Variants in RERG observed in about 807,000 individuals in gnomAD.
RERG encodes the protein RAS like estrogen regulated growth inhibitor.
In RERG, 25 loss-of-function variants were observed where a neutral mutation model predicts 23.2. The observed-to-expected ratio is 1.08, with a 90% CI of 0.79 to 1.50. The LOEUF is 1.50. Ranked by LOEUF, RERG falls within the 40% of genes most tolerant of loss-of-function variation. The pLI is 0.00. For synonymous variants in RERG, 81 were observed against 89.1 expected, an observed-to-expected ratio of 0.91 and a Z score of 0.51; for missense variants, 253 against 250.1, an observed-to-expected ratio of 1.01 and a Z score of -0.08.
At chr12:15,128,811 T>G (rs1222859015) in intron 2 of RERG, among the ~76,000 whole-genome samples, 2 of 152,204 alleles carry the variant, frequency 1.3e-5, no homozygotes, top group South Asian at 2.1e-4. Flanking sequence ...ATTCAGCTCC[T>G]TCTTCTTCCC....
rs117081088 is a variant in RERG, at chr12:15,128,773, C to T, written c.62-7654G>A. On this transcript the variant is annotated intron_variant, in intron 2 of 4. Transcript: ENST00000256953. ...TTGTCTTCCAGCTTAGGGACAACAACGCAGTGGGTCTCCCTAAATAAGAGG... is the reference window on the plus strand; with the variant it reads ...TTGTCTTCCAGCTTAGGGACAACAATGCAGTGGGTCTCCCTAAATAAGAGG... Among the ~76,000 whole-genome samples the T allele has an allele frequency of 3.4e-3, 513 of 152,278 alleles. 1 individual carries two copies. The highest frequency in any genetic ancestry group is 5.5e-3 in the Non-Finnish European group (374 of 68,020).
At position 15,111,410 on chromosome 12, in the gene RERG, G is replaced by C. The variant is rs756150671; in HGVS notation, c.126C>G (p.Thr42=). ...IWEYDPTLES[T]YRHQATIDDE... The stretch of plus-strand genomic sequence containing the variant: ...CATCGATGGTTGCTTGGTGTCGGTA[G>C]GTTGATTCTAAGGGAATGAGCAAAT... Residue 42 remains threonine (T), a synonymous_variant, in exon 4 of 5, where the codon ACC becomes ACG. Transcript: ENST00000256953. 6.2e-7 allele frequency: 1 copy of C among 1,612,444 alleles called. No homozygotes were observed.
chr12:15,182,127 T>G (rs1864932823), intron 2 of RERG, among the ~76,000 whole-genome samples: 1 of 151,634 alleles, frequency 6.6e-6, no homozygotes. Context: ...GGCGCGATCT[T>G]GGCTCACTGC....
At chr12:15,136,577 A>T (rs1240191740) in intron 2 of RERG, among the ~76,000 whole-genome samples, 1 of 152,016 alleles carries the variant, frequency 6.6e-6, no homozygotes, top group Non-Finnish European at 1.5e-5. Flanking sequence ...GCTGTATGAC[A>T]CAAATTTTGA....
At chr12:15,141,599 G>A (rs1460808548) in intron 2 of RERG, among the ~76,000 whole-genome samples, 3 of 152,098 alleles carry the variant, frequency 2.0e-5, no homozygotes, top group African/African-American at 4.8e-5. Flanking sequence ...CTGTTCAGGT[G>A]AACTGATCTT....
chr12:15,125,798 T>C (rs1051059299), intron 2 of RERG, among the ~76,000 whole-genome samples: 3 of 152,002 alleles, frequency 2.0e-5, no homozygotes, highest in Non-Finnish European at 4.4e-5. Context: ...AGTAGTGTTA[T>C]AATTATTCAT....
intron 2 of RERG, among the ~76,000 whole-genome samples, chr12:15,151,334 C>T (rs1864438518): frequency 6.6e-6 from 1 of 152,162 alleles, no homozygotes; most frequent in South Asian, 2.1e-4. Context: ...AGCAGCTTGC[C>T]AGATACACAG....
chr12:15,159,592 G>A (rs1342713183), intron 2 of RERG, among the ~76,000 whole-genome samples: 2 of 152,176 alleles, frequency 1.3e-5, no homozygotes, highest in African/African-American at 2.4e-5. Flanking sequence ...GGGAGGCCGA[G>A]GCAGGCAGAT....
intron 2 of RERG, among the ~76,000 whole-genome samples, chr12:15,171,637 T>C (rs1864779988): frequency 6.6e-6 from 1 of 152,214 alleles, no homozygotes; most frequent in African/African-American, 2.4e-5. Context: ...TTCTTATTTT[T>C]CATGTTGTTA....
chr12:15,172,369 A>G (rs920367665), intron 2 of RERG, among the ~76,000 whole-genome samples: 2 of 152,124 alleles, frequency 1.3e-5, no homozygotes, highest in African/African-American at 4.8e-5. Flanking sequence ...TTTTTAATCC[A>G]TACATTCATT....
At chr12:15,203,341 T>C (rs1865242964) in intron 2 of RERG, among the ~76,000 whole-genome samples, 1 of 151,664 alleles carries the variant, frequency 6.6e-6, no homozygotes, top group African/African-American at 2.4e-5. Flanking sequence ...CACTTGTCTA[T>C]TTTTGCTTTG....
chr12:15,148,846 T>G (rs1864379824), intron 2 of RERG, among the ~76,000 whole-genome samples: 1 of 102,636 alleles, frequency 9.7e-6, no homozygotes. Flanking sequence ...CCTTTAACTC[T>G]GTTTTTTTTT....
chr12:15,173,940 C>T (rs868418175), intron 2 of RERG, among the ~76,000 whole-genome samples: 3 of 152,032 alleles, frequency 2.0e-5, no homozygotes, highest in Middle Eastern at 3.4e-3. Context: ...AATATGGATA[C>T]CTTTTATTTA....
At chr12:15,211,800 T>C (rs1865369782) in intron 2 of RERG, among the ~76,000 whole-genome samples, 2 of 152,184 alleles carry the variant, frequency 1.3e-5, no homozygotes, top group South Asian at 2.1e-4. Flanking sequence ...TAAACATTTA[T>C]AGTTACTCTG....
At chr12:15,117,675 G>GCACACACA (rs3084648) in intron 3 of RERG, among the ~76,000 whole-genome samples, 5 of 145,020 alleles carry the variant, frequency 3.4e-5, no homozygotes, top group Non-Finnish European at 5.9e-5. Flanking sequence ...TCACACACGC[G>GCACACACA]CACACACACA....
In RERG at chr12:15,166,523, A is replaced by ATGGTGGTGGTGG. The variant is rs148048968; in HGVS notation, c.62-45416_62-45405dup. Among the ~76,000 whole-genome samples, 69 of 148,958 alleles carry ATGGTGGTGGTGG rather than the reference A, an allele frequency of 4.6e-4. 1 individual carries two copies. The highest frequency in any genetic ancestry group is 3.8e-3 in the Admixed American group (57 of 15,046). ...GATGGGGATGGTGGTGATGGTGGTG[A>ATGGTGGTGGTGG]TGGTGGTGGTGGTGGTGGTAGTGGT... On this transcript the variant is annotated intron_variant, in intron 2 of 4. Coordinates refer to ENST00000256953, the MANE Select transcript of RERG (RefSeq NM_032918.3).
intron 2 of RERG, among the ~76,000 whole-genome samples, chr12:15,158,792 G>A (rs1268256558): frequency 6.6e-6 from 1 of 152,114 alleles, no homozygotes; most frequent in East Asian, 1.9e-4. Flanking sequence ...GGAGGCATAT[G>A]TTGTTGGTTC....
intron 2 of RERG, among the ~76,000 whole-genome samples, chr12:15,148,932 C>T (rs1445426806): frequency 2.3e-5 from 3 of 132,666 alleles, no homozygotes; most frequent in Non-Finnish European, 3.1e-5. Flanking sequence ...GCAGTGGCGC[C>T]GTCTCGGCTC....
At chr12:15,166,650 T>C (rs1283629252) in intron 2 of RERG, among the ~76,000 whole-genome samples, 2 of 152,080 alleles carry the variant, frequency 1.3e-5, no homozygotes, top group African/African-American at 4.8e-5. Context: ...CATCAGCATA[T>C]ATGAAATGAC....
Sources: gnomAD v4.1 joint callset for allele counts (sites outside exome capture counted in the v4.1 genomes callset) on GRCh38, gnomAD v4.1.1 for gene constraint, MANE v1.5 for transcripts, NCBI Gene and HGNC (gene_info 2026-07-23, HGNC 2026-07-21) for gene names.